TG: variants seen among roughly 807,000 people sequenced by gnomAD.
The protein encoded by TG is thyroglobulin.
TG carries 270 observed loss-of-function variants against 324.7 expected under a neutral mutation model. The observed-to-expected ratio is 0.83, with a 90% CI of 0.75 to 0.92. The LOEUF is 0.92. TG is among the 40% of genes least tolerant of loss of function. TG has a pLI of 0.00. For missense variants in TG, 3,591 were observed against 3,456.4 expected, an observed-to-expected ratio of 1.04 and a Z score of -0.98; for synonymous variants, 1,401 against 1,327.0, an observed-to-expected ratio of 1.06 and a Z score of -1.21.
At chr8:132,955,197 C>T (rs575832374) in intron 27 of TG, among the ~76,000 whole-genome samples, 8 of 152,136 alleles carry the variant, frequency 5.3e-5, no homozygotes, top group Non-Finnish European at 1.2e-4. Context: ...TCTTTCCCCC[C>T]ACAAGTCACT....
In TG at chr8:133,021,997, A is replaced by G; in HGVS notation, c.6883A>G (p.Asn2295Asp). The change falls in exon 40 of 48, where the codon AAC becomes GAC. Residue 2295 changes from asparagine (N) to aspartate (D), a missense_variant. By Grantham distance (23) the Asn-to-Asp change is conservative. Coordinates refer to ENST00000220616, the MANE Select transcript of TG (RefSeq NM_003235.5). ...GTTTCTCCAATACCCACAGGCCCCT[A>G]ACGCGTCTGTGCTGGTGTTCTTCCA... ...NVFIPQNVAPNASVLVFFHNT... is the reference protein window; with the variant it reads ...NVFIPQNVAPDASVLVFFHNT... 1 of 1,602,358 alleles carries G rather than the reference A, an allele frequency of 6.2e-7. No homozygotes were observed. Among genetic ancestry groups the G allele is most frequent in the South Asian group, 1.1e-5 (1 of 90,876 alleles).
intron 41 of TG, among the ~76,000 whole-genome samples, chr8:133,089,361 T>C (rs1189344996): frequency 6.6e-6 from 1 of 152,188 alleles, no homozygotes; most frequent in African/African-American, 2.4e-5. Context: ...CTCCATCCTT[T>C]ACTGAGGGCC....
intron 30 of TG, among the ~76,000 whole-genome samples, chr8:132,967,156 CCCATCCAA>C (rs1027426667): frequency 2.8e-5 from 4 of 142,596 alleles, no homozygotes; most frequent in Admixed American, 2.1e-4. Flanking sequence ...CATCCATCCA[CCCATCCAA>C]CCATCCATCC....
intron 40 of TG, among the ~76,000 whole-genome samples, chr8:133,029,614 G>A (rs927801967): frequency 6.6e-6 from 1 of 152,228 alleles, no homozygotes; most frequent in African/African-American, 2.4e-5. Context: ...TAGCTGGCTA[G>A]CATTCAGGCC....
chr8:132,906,801 C>T lies in TG; in HGVS notation c.3748C>T (p.Arg1250Cys), dbSNP rs375071844. 216 of 1,614,080 alleles carry T rather than the reference C, an allele frequency of 1.3e-4. No individual in the cohort carries two copies. The highest frequency in any genetic ancestry group is 5.1e-4 in the South Asian group (46 of 91,082). Residue 1250 changes from arginine (R) to cysteine (C), a missense_variant, in exon 17 of 48, where the codon CGC (arginine) becomes TGC (cysteine). Arg to Cys is a radical substitution (Grantham distance 180, BLOSUM62 -3). Coordinates refer to ENST00000220616, the MANE Select transcript of TG (RefSeq NM_003235.5). ...CATGCAGCAGTGCCAATTGCTGTGC[C>T]GCCAGGGCTCCTGGAGCGTGTTTCC... ...SAMQQCQLLC[R>C]QGSWSVFPPG...
intron 43 of TG, chr8:133,102,823 G>C (rs916931979): frequency 2.3e-6 from 1 of 439,648 alleles, no homozygotes; most frequent in Non-Finnish European, 4.2e-6. Context: ...AGAAAAATCA[G>C]AAACAGAGCG....
intron 21 of TG, 74 bp downstream of exon 21, chr8:132,919,599 C>T: frequency 1.3e-6 from 2 of 1,587,492 alleles, no homozygotes; most frequent in East Asian, 2.2e-5. Context: ...TTCCCAATCT[C>T]TGCACTATTG....
chr8:133,081,403 G>C (rs1464547235), intron 41 of TG, among the ~76,000 whole-genome samples: 3 of 152,204 alleles, frequency 2.0e-5, no homozygotes, highest in South Asian at 4.1e-4. Flanking sequence ...AAAACCATCT[G>C]GGGGGAGAGC....
chr8:132,979,511 A>G (rs1022524921), intron 34 of TG, among the ~76,000 whole-genome samples: 56 of 152,334 alleles, frequency 3.7e-4, no homozygotes, highest in African/African-American at 1.3e-3. Context: ...TTACTGTAGA[A>G]TCTATTCTTT....
At chr8:132,974,674 A>C (rs150353218) in intron 34 of TG, among the ~76,000 whole-genome samples, 19 of 152,330 alleles carry the variant, frequency 1.2e-4, no homozygotes, top group African/African-American at 4.6e-4. Flanking sequence ...CCCCAACTCA[A>C]TTGATTAACA....
At chr8:133,108,034 T>G (rs1849965789) in intron 43 of TG, among the ~76,000 whole-genome samples, 1 of 146,292 alleles carries the variant, frequency 6.8e-6, no homozygotes, top group Non-Finnish European at 1.5e-5. Flanking sequence ...CAGGCTGGAG[T>G]GCAGTGGTGT....
chr8:132,972,772 A>G (rs751439075), intron 34 of TG, 31 bp downstream of exon 34: 151 of 1,613,678 alleles, frequency 9.4e-5, no homozygotes, highest in Non-Finnish European at 1.3e-4. Context: ...AGCTATATGG[A>G]CGTCTTTAGT....
intron 41 of TG, among the ~76,000 whole-genome samples, chr8:133,083,521 T>A (rs1846052913): frequency 6.6e-6 from 1 of 152,172 alleles, no homozygotes; most frequent in African/African-American, 2.4e-5. Context: ...TCTGGGCTGA[T>A]GGACCCCATG....
chr8:132,901,618 G>A (rs970714767), intron 16 of TG, 65 bp downstream of exon 16: 40 of 1,543,486 alleles, frequency 2.6e-5, no homozygotes, highest in Non-Finnish European at 3.3e-5. Flanking sequence ...CAGACTGGGT[G>A]AAGTACTAGA....
At chr8:132,978,022 G>A (rs1178590500) in intron 34 of TG, among the ~76,000 whole-genome samples, 2 of 152,240 alleles carry the variant, frequency 1.3e-5, no homozygotes, top group African/African-American at 4.8e-5. Flanking sequence ...ATGTCAGACT[G>A]TGTTCATCCA....
At chr8:133,074,948 C>T (rs180842693) in intron 41 of TG, 57 of 985,510 alleles carry the variant, frequency 5.8e-5, no homozygotes, top group Non-Finnish European at 6.9e-5. Flanking sequence ...GCTGCTGCTC[C>T]AGAATAAACA....
chr8:132,919,586 G>A lies in TG; in HGVS notation c.4528+61G>A. ...CCTGCAATGAAATGGAACTCAACAG[G>A]GTTTCCCAATCTCTGCACTATTGAC... On this transcript the variant is annotated intron_variant, in intron 21 of 47. Coordinates refer to ENST00000220616, the MANE Select transcript of TG (RefSeq NM_003235.5). 2.5e-6 allele frequency: 4 copies of A among 1,603,496 alleles called. No individual in the cohort carries two copies. The South Asian group carries it at 3.3e-5, about 13-fold the overall frequency.
rs556540543 is a variant in TG at position 132,875,620 on chromosome 8, C to T, written c.638+2399C>T. On this transcript the variant is annotated intron_variant, in intron 5 of 47. Transcript: ENST00000220616. ...ATCCAAGACCCTGGTGTGTGCCACA[C>T]TGAGGTTGAGGCACAATTCACAGCT... Among the ~76,000 whole-genome samples, 4 of 152,330 alleles carry T rather than the reference C, an allele frequency of 2.6e-5. No individual in the cohort carries two copies. In the East Asian group the frequency reaches 7.7e-4, roughly 29 times the overall value.
rs1404678857 is a variant in TG, at chr8:133,113,418, C to G, written c.7573-4C>G. 21 of 1,605,746 alleles carry G rather than the reference C, an allele frequency of 1.3e-5. No homozygotes were observed. The highest frequency in any genetic ancestry group is 1.7e-6 in the Non-Finnish European group (2 of 1,177,400). ...AGGAATTTCGTATCTTTTTTTTTTTCTAGCAATTTGAGGAAAGTCGAGGCC... is the reference window on the plus strand; with the variant it reads ...AGGAATTTCGTATCTTTTTTTTTTTGTAGCAATTTGAGGAAAGTCGAGGCC... On this transcript the variant is annotated splice_region_variant and splice_polypyrimidine_tract_variant and intron_variant, in intron 43 of 47. Transcript: ENST00000220616.
Sources: gnomAD v4.1 joint callset for allele counts (sites outside exome capture counted in the v4.1 genomes callset) on GRCh38, gnomAD v4.1.1 for gene constraint, MANE v1.5 for transcripts, NCBI Gene and HGNC (gene_info 2026-07-23, HGNC 2026-07-21) for gene names.